Variants in NF1 observed in about 807,000 individuals in gnomAD.
The protein encoded by NF1 is neurofibromin.
A neutral mutation model predicts 325.7 loss-of-function variants in NF1; 122 were observed. The ratio of observed to expected loss-of-function variants is 0.37; its 90% CI spans 0.32 to 0.44. NF1 has a LOEUF of 0.44. Ranked by LOEUF, NF1 falls within the 20% of genes least tolerant of loss-of-function variation. The pLI is 1.00. For missense variants in NF1, 2,140 were observed against 3,415.4 expected (o/e 0.63, Z 9.31); for synonymous variants, 1,091 against 1,186.0 (o/e 0.92, Z 1.65).
chr17:31,156,584 A>G (rs561135351), intron 2 of NF1, among the ~76,000 whole-genome samples: 1 of 152,238 alleles, frequency 6.6e-6, no homozygotes, highest in Non-Finnish European at 1.5e-5. Flanking sequence ...ATGTGGATTG[A>G]TTTTTTTATG....
chr17:31,179,635 T>C (rs1317882745), intron 5 of NF1, among the ~76,000 whole-genome samples: 1 of 151,972 alleles, frequency 6.6e-6, no homozygotes, highest in Non-Finnish European at 1.5e-5. Flanking sequence ...ACAAAAAAAT[T>C]AGCCGGGCAT....
intron 34 of NF1, among the ~76,000 whole-genome samples, chr17:31,260,982 C>T (rs1460071184): frequency 6.6e-6 from 1 of 152,072 alleles, no homozygotes; most frequent in Non-Finnish European, 1.5e-5. Flanking sequence ...GTGGATTACA[C>T]CTATAATCTC....
intron 36 of NF1, among the ~76,000 whole-genome samples, chr17:31,300,453 G>A (rs1052251962): frequency 6.6e-6 from 1 of 151,990 alleles, no homozygotes; most frequent in Non-Finnish European, 1.5e-5. Context: ...TGTATCTTGA[G>A]TATCACTCCA....
intron 4 of NF1, among the ~76,000 whole-genome samples, chr17:31,168,200 C>G (rs2065875760): frequency 6.6e-6 from 1 of 152,148 alleles, no homozygotes; most frequent in Non-Finnish European, 1.5e-5. Flanking sequence ...AATCCCCATG[C>G]ATCTCTTACT....
At chr17:31,101,115 C>T (rs1912292215) in intron 1 of NF1, among the ~76,000 whole-genome samples, 1 of 152,012 alleles carries the variant, frequency 6.6e-6, no homozygotes, top group African/African-American at 2.4e-5. Context: ...ACTGTTTATC[C>T]ACCCATTTCC....
chr17:31,309,139 T>G (rs1193647369), intron 36 of NF1, among the ~76,000 whole-genome samples: 1 of 152,218 alleles, frequency 6.6e-6, no homozygotes, highest in Non-Finnish European at 1.5e-5. Context: ...AGTGACAGAT[T>G]GGGAGTTTGT....
At chr17:31,340,482 C>A (rs2151561321) in intron 46 of NF1, 23 bp from the exon 47 acceptor site, 1 of 1,614,076 alleles carries the variant, frequency 6.2e-7, no homozygotes, top group African/African-American at 1.3e-5. Context: ...TCTTACTAGC[C>A]TCAAACATAT....
chr17:31,281,159 A>C (rs1293220974), intron 36 of NF1, among the ~76,000 whole-genome samples: 2 of 152,216 alleles, frequency 1.3e-5, no homozygotes, highest in Non-Finnish European at 2.9e-5. Flanking sequence ...AGCAGATCGA[A>C]AGTCATTTTG....
chr17:31,177,983 G>T (rs2066054719), intron 5 of NF1, among the ~76,000 whole-genome samples: 1 of 152,076 alleles, frequency 6.6e-6, no homozygotes, highest in South Asian at 2.1e-4. Flanking sequence ...ACCTAGCAAG[G>T]CAGGCCAACA....
At chr17:31,180,245 A>C (rs1278466340) in intron 5 of NF1, among the ~76,000 whole-genome samples, 1 of 152,256 alleles carries the variant, frequency 6.6e-6, no homozygotes, top group Admixed American at 6.5e-5. Context: ...TCATTTTATG[A>C]GGCCAGCATC....
intron 1 of NF1, among the ~76,000 whole-genome samples, chr17:31,130,081 T>G (rs955646670): frequency 6.7e-6 from 1 of 149,278 alleles, no homozygotes; most frequent in Non-Finnish European, 1.5e-5. Flanking sequence ...GCTGTTTTTT[T>G]TTGTTTTTTT....
At chr17:31,235,585 C>T (rs1388144694) in intron 27 of NF1, 26 bp from the exon 28 acceptor site, 2 of 1,613,162 alleles carry the variant, frequency 1.2e-6, no homozygotes, top group Admixed American at 3.3e-5. Context: ...ATTGTTTGCA[C>T]TAACCTGATT....
rs876659922 is a variant in NF1, at chr17:31,325,941, C to T, written c.4957C>T (p.Arg1653Cys). The T allele has an allele frequency of 3.7e-6, 6 of 1,614,074 alleles. No individual in the cohort carries two copies. The highest frequency in any genetic ancestry group is 5.1e-6 in the Non-Finnish European group (6 of 1,180,036). Residue 1653 changes from arginine to cysteine, a missense_variant, in exon 37 of 58, where the codon CGC becomes TGC. Arg to Cys is a radical substitution (Grantham distance 180, BLOSUM62 -3). Transcript: ENST00000358273. Reference sequence around the variant, plus strand: ...CCTTACCCATACCGGGCCTAGCAATCGCTTTAAAACAGACTTTCTCTCTAA... The same window carrying T: ...CCTTACCCATACCGGGCCTAGCAATTGCTTTAAAACAGACTTTCTCTCTAA... ...VDLTHTGPSNRFKTDFLSKWF... is the reference protein window; with the variant it reads ...VDLTHTGPSNCFKTDFLSKWF...
chr17:31,316,338 T>A (rs1432834567), intron 36 of NF1, among the ~76,000 whole-genome samples: 1 of 151,120 alleles, frequency 6.6e-6, no homozygotes, highest in Non-Finnish European at 1.5e-5. Flanking sequence ...AGGAAACACT[T>A]CTGTTTGTTC....
chr17:31,307,267 C>T (rs2068749625), intron 36 of NF1, among the ~76,000 whole-genome samples: 1 of 152,128 alleles, frequency 6.6e-6, no homozygotes, highest in Non-Finnish European at 1.5e-5. Flanking sequence ...GATCTGCCTG[C>T]CTTGGCCTCC....
chr17:31,321,316 T>G (rs2069184539), intron 36 of NF1, among the ~76,000 whole-genome samples: 1 of 152,132 alleles, frequency 6.6e-6, no homozygotes, highest in Non-Finnish European at 1.5e-5. Flanking sequence ...GATGGCAAAT[T>G]TTTTCATTTC....
intron 48 of NF1, chr17:31,345,841 T>A: frequency 1.9e-6 from 3 of 1,613,580 alleles, no homozygotes; most frequent in Non-Finnish European, 2.5e-6. Flanking sequence ...GAAGTGGATC[T>A]AGTGATCAGT....
intron 38 of NF1, among the ~76,000 whole-genome samples, chr17:31,329,347 C>A (rs2069424188): frequency 6.6e-6 from 1 of 152,142 alleles, no homozygotes; most frequent in Non-Finnish European, 1.5e-5. Flanking sequence ...TCTCTAGTGA[C>A]CTAAAGCAAT....
intron 1 of NF1, among the ~76,000 whole-genome samples, chr17:31,124,402 C>T (rs1351475443): frequency 6.6e-6 from 1 of 151,160 alleles, no homozygotes; most frequent in Non-Finnish European, 1.5e-5. Context: ...AAGACTTGCT[C>T]CCTATTTATA....
Sources: allele counts gnomAD v4.1 joint callset (sites outside exome capture counted in the v4.1 genomes callset), GRCh38; gene constraint gnomAD v4.1.1; transcripts MANE v1.5; gene names NCBI Gene and HGNC (gene_info 2026-07-23, HGNC 2026-07-21).